CHODL: variants seen among roughly 807,000 people sequenced by gnomAD.
CHODL encodes transmembrane protein MT75.
A neutral mutation model predicts 34.5 loss-of-function variants in CHODL; 29 were observed. The observed-to-expected ratio is 0.84, with a 90% CI of 0.63 to 1.15. The LOEUF is 1.15. Among genes scored for constraint, CHODL ranks in the 50% most tolerant of loss-of-function variants. The pLI is 0.00. For synonymous variants in CHODL, 125 were observed against 116.1 expected, an observed-to-expected ratio of 1.08 and a Z score of -0.49; for missense variants, 332 against 332.5, an observed-to-expected ratio of 1.00 and a Z score of 0.01.
upstream of CHODL, among the ~76,000 whole-genome samples, chr21:18,242,822 G>A (rs2074094660): frequency 1.3e-5 from 2 of 152,164 alleles, no homozygotes; most frequent in Non-Finnish European, 2.9e-5. Context: ...TGGGCTTCCT[G>A]AATTACTAAT....
chr21:18,070,027 C>CCTTCCCTTACCT, intron 2 of CHODL, among the ~76,000 whole-genome samples: 1 of 68,716 alleles, frequency 1.5e-5, no homozygotes, highest in East Asian at 3.3e-4. Context: ...CCCTTCCCTC[C>CCTTCCCTTACCT]CCCCCCCCAC....
chr21:17,924,935 T>G (rs1056153803), intron 1 of CHODL, among the ~76,000 whole-genome samples: 1 of 152,200 alleles, frequency 6.6e-6, no homozygotes, highest in African/African-American at 2.4e-5. Context: ...CAATGATCAC[T>G]CATTAAGCCT....
intron 1 of CHODL, among the ~76,000 whole-genome samples, chr21:17,934,215 C>T (rs1407531980): frequency 1.4e-5 from 2 of 142,072 alleles, no homozygotes; most frequent in Non-Finnish European, 3.1e-5. Flanking sequence ...TGCACATGTA[C>T]CCCCTGAATC....
Position 17,984,512 on chromosome 21 carries a change from A to G in CHODL, c.-144-43360A>G, listed in dbSNP as rs1353766043. 1.3e-5 allele frequency among the ~76,000 whole-genome samples: 2 copies of G among 152,146 alleles called. 1 individual carries two copies. The highest frequency in any genetic ancestry group is 3.8e-4 in the East Asian group (2 of 5,198). ...ATAGATATTAACCCTTTATGAAAAT[A>G]TAATTAAAATACTTTCTAGTTTGGT... On this transcript the variant is annotated intron_variant, in intron 1 of 6. Transcript: ENST00000400127.
intron 1 of CHODL, among the ~76,000 whole-genome samples, chr21:18,250,426 A>G (rs893071106): frequency 6.6e-6 from 1 of 151,968 alleles, no homozygotes; most frequent in African/African-American, 2.4e-5. Flanking sequence ...CACAACCTAC[A>G]TTTATAAACT....
chr21:18,070,701 T>C (rs940364688), intron 2 of CHODL, among the ~76,000 whole-genome samples: 3 of 152,102 alleles, frequency 2.0e-5, no homozygotes, highest in Non-Finnish European at 4.4e-5. Flanking sequence ...AAGACACCCA[T>C]GTAGAACTGA....
chr21:18,193,448 C>A (rs541418965), intron 2 of CHODL, among the ~76,000 whole-genome samples: 158 of 152,132 alleles, frequency 1.0e-3, no homozygotes, highest in Non-Finnish European at 1.9e-3. Flanking sequence ...GTAATCCCAG[C>A]ATTTTGGGAG....
At chr21:18,245,620 C>G (rs1172844536) in intron 1 of CHODL, among the ~76,000 whole-genome samples, 1 of 152,124 alleles carries the variant, frequency 6.6e-6, no homozygotes, top group Non-Finnish European at 1.5e-5. Context: ...CACGGCCGGG[C>G]TCAGCACCTG....
At chr21:18,079,384 C>T (rs1188316584) in intron 2 of CHODL, among the ~76,000 whole-genome samples, 6 of 147,198 alleles carry the variant, frequency 4.1e-5, no homozygotes, top group African/African-American at 7.6e-5. Flanking sequence ...CAGATATATA[C>T]CATAGAATAT....
chr21:18,131,279 A>C (rs1010414879), intron 2 of CHODL, among the ~76,000 whole-genome samples: 1 of 151,934 alleles, frequency 6.6e-6, no homozygotes, highest in East Asian at 1.9e-4. Flanking sequence ...CTTCCTACAT[A>C]CTGGGGGTTA....
At chr21:18,080,289 G>A (rs974328628) in intron 2 of CHODL, among the ~76,000 whole-genome samples, 4 of 151,910 alleles carry the variant, frequency 2.6e-5, no homozygotes, top group African/African-American at 9.7e-5. Context: ...TAGCTTTTCT[G>A]TTTGTTCTGT....
intron 2 of CHODL, among the ~76,000 whole-genome samples, chr21:18,045,516 G>A (rs2064431288): frequency 6.6e-6 from 1 of 151,854 alleles, no homozygotes; most frequent in African/African-American, 2.4e-5. Flanking sequence ...CAGAAGCTAG[G>A]AAGAGGCAAG....
intron 2 of CHODL, among the ~76,000 whole-genome samples, chr21:18,199,610 A>G (rs945354186): frequency 1.3e-5 from 2 of 152,052 alleles, no homozygotes; most frequent in Admixed American, 6.6e-5. Flanking sequence ...TGTTCCACCT[A>G]TTTATCCATC....
rs188941054 is a variant in CHODL, at chr21:18,231,827, G to T, written c.-44-24682G>T. On this transcript the variant is annotated intron_variant, in intron 2 of 6. Coordinates refer to the CHODL transcript ENST00000400127. ...GCTTTGTATGGGGTTATGGATAATG[G>T]CTTCCCAAGCCACGGCACAGTAATG... 1.1e-4 allele frequency among the ~76,000 whole-genome samples: 17 copies of T among 151,394 alleles called. 1 individual carries two copies. Among genetic ancestry groups the T allele is most frequent in the African/African-American group, 4.1e-4 (17 of 41,294 alleles).
intron 2 of CHODL, among the ~76,000 whole-genome samples, chr21:18,173,910 G>T (rs1336302268): frequency 2.0e-5 from 3 of 151,096 alleles, no homozygotes; most frequent in African/African-American, 4.9e-5. Context: ...TAATGTACAT[G>T]TTTGACCCAA....
chr21:18,038,619 T>A (rs1302816095), intron 2 of CHODL, among the ~76,000 whole-genome samples: 1 of 151,730 alleles, frequency 6.6e-6, no homozygotes, highest in Non-Finnish European at 1.5e-5. Flanking sequence ...GCTCTTCCCA[T>A]ATTTGATGAC....
intron 1 of CHODL, among the ~76,000 whole-genome samples, chr21:17,963,999 A>G (rs1052106287): frequency 1.3e-5 from 2 of 152,170 alleles, no homozygotes; most frequent in Non-Finnish European, 2.9e-5. Context: ...ATACACAGTT[A>G]TGGGAAAATG....
At chr21:18,175,593 GA>G (rs892655376) in intron 2 of CHODL, among the ~76,000 whole-genome samples, 3,055 of 125,740 alleles carry the variant, frequency 0.024, 91 homozygotes, top group African/African-American at 0.081. Context: ...ACTGTCTGGA[GA>G]AAAAAAAAAA....
At chr21:18,024,920 T>A (rs1483534833) in intron 1 of CHODL, among the ~76,000 whole-genome samples, 4 of 152,190 alleles carry the variant, frequency 2.6e-5, no homozygotes, top group African/African-American at 4.8e-5. Flanking sequence ...ACTATTTGCA[T>A]TTACATTACT....
Sources: gnomAD v4.1 joint callset for allele counts (sites outside exome capture counted in the v4.1 genomes callset) on GRCh38, gnomAD v4.1.1 for gene constraint, MANE v1.5 for transcripts, NCBI Gene and HGNC (gene_info 2026-07-23, HGNC 2026-07-21) for gene names.